Variants in USP40 observed in about 807,000 individuals in gnomAD.
USP40 encodes the protein ubiquitin specific peptidase 40.
In USP40, 143 loss-of-function variants were observed where a neutral mutation model predicts 166.2. The observed-to-expected ratio is 0.86, with a 90% CI of 0.75 to 0.99. USP40 has a LOEUF of 0.99. USP40 is among the 50% of genes least tolerant of loss of function. The pLI is 0.00. For synonymous variants in USP40, 498 were observed against 524.0 expected (o/e 0.95, Z 0.68); for missense variants, 1,444 against 1,479.7 (o/e 0.98, Z 0.40).
chr2:233,513,708 T>A (rs1164328170), intron 18 of USP40, among the ~76,000 whole-genome samples: 1 of 152,226 alleles, frequency 6.6e-6, no homozygotes, highest in Non-Finnish European at 1.5e-5. Flanking sequence ...GATTTTATGC[T>A]TATTAAATCG....
chr2:233,498,517 A>T (rs763544624), intron 23 of USP40, 31 bp downstream of exon 23: 1 of 1,591,020 alleles, frequency 6.3e-7, no homozygotes, highest in Non-Finnish European at 8.6e-7. Flanking sequence ...ATGTAATCAT[A>T]CGAAAGTACA....
chr2:233,560,725 C>G (rs1057289673), intron 3 of USP40: 7 of 348,562 alleles, frequency 2.0e-5, no homozygotes, highest in Admixed American at 1.3e-4. Flanking sequence ...AATATCACCA[C>G]AATAACAAAC....
chr2:233,564,159 G>A (rs1410166495), intron 2 of USP40, among the ~76,000 whole-genome samples: 5 of 152,138 alleles, frequency 3.3e-5, no homozygotes, highest in Non-Finnish European at 5.9e-5. Context: ...TCCTAGGAAG[G>A]TAACAGCGGT....
intron 17 of USP40, 27 bp downstream of exon 17, chr2:233,520,964 G>C: frequency 6.3e-7 from 1 of 1,589,424 alleles, no homozygotes; most frequent in Non-Finnish European, 8.6e-7. Context: ...AAATCTATCA[G>C]CCAACCTTTA....
intron 30 of USP40, among the ~76,000 whole-genome samples, chr2:233,482,233 G>A (rs1161580591): frequency 2.6e-5 from 4 of 152,036 alleles, no homozygotes; most frequent in Non-Finnish European, 1.5e-5. Context: ...TTTAAAAATT[G>A]TGGGGAGGCT....
chr2:233,559,069 A>G (rs939501761), intron 4 of USP40, among the ~76,000 whole-genome samples: 3 of 152,224 alleles, frequency 2.0e-5, no homozygotes, highest in Non-Finnish European at 4.4e-5. Context: ...GCAGGATTAC[A>G]TCCATCTATT....
At chr2:233,489,575 T>C (rs2065173609) in intron 26 of USP40, 92 bp from the exon 27 acceptor site, 1 of 993,818 alleles carries the variant, frequency 1.0e-6, no homozygotes. Context: ...CACTACACAG[T>C]GGCATCTCAA....
intron 8 of USP40, among the ~76,000 whole-genome samples, chr2:233,544,962 G>A (rs935678962): frequency 1.3e-5 from 2 of 152,156 alleles, no homozygotes; most frequent in African/African-American, 2.4e-5. Context: ...GGCTGGTAGC[G>A]ATCTCAGGCT....
chr2:233,498,533 T>C lies in USP40; in HGVS notation c.2715+15A>G, dbSNP rs571453639. ...TGTAATCATACGAAAGTACAATGTA[T>C]AGAAATCATCTTACTTCTTCACATA... On this transcript the variant is annotated intron_variant, in intron 23 of 31. Transcript: ENST00000678225. 4.3e-6 allele frequency: 7 copies of C among 1,609,870 alleles called. No homozygotes were observed. The highest frequency in any genetic ancestry group is 3.3e-5 in the South Asian group (3 of 90,322).
chr2:233,558,648 T>C (rs2071310015), intron 4 of USP40, among the ~76,000 whole-genome samples: 2 of 152,170 alleles, frequency 1.3e-5, no homozygotes, highest in South Asian at 4.1e-4. Context: ...TGGAGTTTCT[T>C]TTTGGGGTGG....
At chr2:233,494,983 C>CA (rs1313988398) in intron 24 of USP40, among the ~76,000 whole-genome samples, 1 of 76,592 alleles carries the variant, frequency 1.3e-5, no homozygotes, top group African/African-American at 4.9e-5. Flanking sequence ...TATATATACA[C>CA]ACACATAAAA....
chr2:233,543,809 C>T (rs898619684), intron 8 of USP40, among the ~76,000 whole-genome samples: 9 of 152,196 alleles, frequency 5.9e-5, no homozygotes, highest in Non-Finnish European at 1.2e-4. Context: ...GCAGCCTGAA[C>T]CTGAATGGAC....
At position 233,484,113 on chromosome 2, in the gene USP40, G is replaced by A. The variant is rs117011528; in HGVS notation, c.3504+1418C>T. On this transcript the variant is annotated intron_variant, in intron 30 of 31. Coordinates refer to ENST00000678225, the MANE Select transcript of USP40 (RefSeq NM_001365479.2). ...TTTCTTCTCGCAGTGAGCCAAGATC[G>A]TACCACTGCACTCCAGCCTGGGCAA... 4.2e-3 allele frequency among the ~76,000 whole-genome samples: 646 copies of A among 152,232 alleles called. 33 individuals are homozygous for A. The East Asian group carries it at 0.096, about 23-fold the overall frequency.
intron 13 of USP40, among the ~76,000 whole-genome samples, chr2:233,525,897 A>G (rs538249688): frequency 2.1e-4 from 32 of 152,338 alleles, no homozygotes; most frequent in Admixed American, 5.9e-4. Flanking sequence ...TTTTTACTCA[A>G]AAGAGCAAGA....
Position 233,486,902 on chromosome 2 carries a change from G to A in USP40, c.3198-925C>T, listed in dbSNP as rs1053958591. Among the ~76,000 whole-genome samples the A allele has an allele frequency of 3.9e-5, 6 of 152,196 alleles. No individual in the cohort carries two copies. The highest frequency in any genetic ancestry group is 7.3e-5 in the Non-Finnish European group (5 of 68,040). ...AGAGGACAGAAAGGGCATCGGCACA[G>A]ATGCTGAAGTTGCCAAGGAGGGGAC... On this transcript the variant is annotated intron_variant, in intron 28 of 31. Transcript: ENST00000678225. This position sits in a 1 kb window ranked among gnomAD's most constrained non-coding sequence, Gnocchi z 4.0.
At chr2:233,524,883 G>A (rs1343623027) in intron 14 of USP40, among the ~76,000 whole-genome samples, 1 of 152,196 alleles carries the variant, frequency 6.6e-6, no homozygotes, top group Non-Finnish European at 1.5e-5. Flanking sequence ...AACACAAGCT[G>A]TATTGTGTGC....
intron 11 of USP40, among the ~76,000 whole-genome samples, chr2:233,531,244 A>G (rs967970577): frequency 2.6e-5 from 4 of 152,160 alleles, no homozygotes; most frequent in African/African-American, 9.7e-5. Context: ...TTGCATTACC[A>G]CTACACTGTC....
chr2:233,527,376 T>C (rs751600280), intron 13 of USP40, 31 bp downstream of exon 13: 3 of 1,604,250 alleles, frequency 1.9e-6, no homozygotes, highest in African/African-American at 1.3e-5. Flanking sequence ...GTGCTCGATG[T>C]CTGAATTAAG....
intron 17 of USP40, among the ~76,000 whole-genome samples, 167 bp downstream of exon 17, chr2:233,520,824 G>C (rs1378855373): frequency 6.6e-6 from 1 of 152,016 alleles, no homozygotes; most frequent in Non-Finnish European, 1.5e-5. Flanking sequence ...ATATGCTAAG[G>C]GCTAACATAG....
Sources: allele counts gnomAD v4.1 joint callset (sites outside exome capture counted in the v4.1 genomes callset), GRCh38; gene constraint gnomAD v4.1.1; non-coding constraint Gnocchi (gnomAD v3.1); transcripts MANE v1.5; gene names NCBI Gene and HGNC (gene_info 2026-07-23, HGNC 2026-07-21).